SLC4A4: variants seen among roughly 807,000 people sequenced by gnomAD.
SLC4A4 encodes solute carrier family 4 member 4, also known as electrogenic sodium bicarbonate cotransporter 1.
Under a neutral mutation model 111.5 loss-of-function variants are expected in SLC4A4, and 27 were observed. The observed-to-expected ratio is 0.24, with a 90% CI of 0.18 to 0.33. The LOEUF (loss-of-function observed/expected upper bound fraction) is 0.33, where lower values mean the gene tolerates loss of function less well. Among genes scored for constraint, SLC4A4 ranks in the 10% least tolerant of loss-of-function variants. The probability of loss-of-function intolerance (pLI) is 1.00; values close to 1 mark genes in which losing one functional copy is unlikely to be tolerated. For missense variants in SLC4A4, 909 were observed against 1,315.5 expected, an observed-to-expected ratio of 0.69 and a Z score of 4.78; for synonymous variants, 443 against 463.4, an observed-to-expected ratio of 0.96 and a Z score of 0.57.
intron 1 of SLC4A4, among the ~76,000 whole-genome samples, chr4:71,223,390 C>T (rs56004318): frequency 2.0e-5 from 3 of 151,792 alleles, no homozygotes; most frequent in African/African-American, 7.3e-5. Context: ...GTCTCAATTT[C>T]CTGACCTCGT....
chr4:71,553,131 C>T (rs760030667), intron 20 of SLC4A4, among the ~76,000 whole-genome samples: 7 of 151,828 alleles, frequency 4.6e-5, no homozygotes, highest in Non-Finnish European at 1.0e-4. Flanking sequence ...ATATTTTTAT[C>T]ACATTGAAGT....
chr4:71,486,976 A>T lies in SLC4A4; in HGVS notation c.1932A>T (p.Thr644=), dbSNP rs778218856. 3.7e-6 allele frequency: 6 copies of T among 1,602,988 alleles called. No individual in the cohort carries two copies. In the South Asian group the frequency reaches 6.6e-5, roughly 18 times the overall value. ...ATATCTCAATATCTAATGACACCAC[A>T]CTGGCCCCAGAGTATTTGCCAACTA... The part of the protein sequence containing the change: ...PANISISNDT[T]LAPEYLPTMS... Residue 644 remains threonine, a synonymous_variant, in exon 15 of 26, where the codon ACA becomes ACT. Transcript: ENST00000264485.
At chr4:71,292,566 G>A (rs984657241) in intron 3 of SLC4A4, among the ~76,000 whole-genome samples, 7 of 152,066 alleles carry the variant, frequency 4.6e-5, no homozygotes, top group Non-Finnish European at 1.0e-4. Context: ...TTAGACAGAC[G>A]AACATGAAAC....
At chr4:71,236,457 C>A in intron 1 of SLC4A4, 119 bp from the exon 2 acceptor site, 1 of 910,092 alleles carries the variant, frequency 1.1e-6, no homozygotes, top group Non-Finnish European at 1.7e-6. Flanking sequence ...AGAAGAGTGA[C>A]TCTGCCCTGC....
At chr4:71,258,162 T>C (rs1721592863) in intron 3 of SLC4A4, among the ~76,000 whole-genome samples, 1 of 152,210 alleles carries the variant, frequency 6.6e-6, no homozygotes, top group Non-Finnish European at 1.5e-5. Flanking sequence ...TGCCATTCTC[T>C]CCTTGCTCAC....
chr4:71,183,254 A>G (rs1745357552), upstream of SLC4A4, among the ~76,000 whole-genome samples: 1 of 152,160 alleles, frequency 6.6e-6, no homozygotes, highest in Non-Finnish European at 1.5e-5. Context: ...AGTTGACTTT[A>G]GGCATGTGTT....
intron 3 of SLC4A4, among the ~76,000 whole-genome samples, chr4:71,283,651 A>G (rs1723699774): frequency 6.6e-6 from 1 of 152,230 alleles, no homozygotes; most frequent in African/African-American, 2.4e-5. Flanking sequence ...TAATTGCACT[A>G]GATCATCAGA....
intron 3 of SLC4A4, among the ~76,000 whole-genome samples, chr4:71,297,891 A>G (rs1217238646): frequency 2.0e-5 from 3 of 152,148 alleles, no homozygotes; most frequent in African/African-American, 7.2e-5. Context: ...CCCAGCCAGC[A>G]TTGGTAAATC....
At chr4:71,134,387 G>A (rs11724346) in intron 2 of SLC4A4, among the ~76,000 whole-genome samples, 26,563 of 152,174 alleles carry the variant, frequency 0.17, 2,438 homozygotes, top group South Asian at 0.3. Context: ...AGCCTATACT[G>A]TGGCCTTGGC....
At chr4:71,345,551 T>G (rs376222070) in intron 4 of SLC4A4, among the ~76,000 whole-genome samples, 2 of 152,238 alleles carry the variant, frequency 1.3e-5, no homozygotes, top group East Asian at 3.9e-4. Flanking sequence ...AAAGGGGTAT[T>G]GATGTTTTAC....
intron 3 of SLC4A4, among the ~76,000 whole-genome samples, chr4:71,333,571 T>C (rs1728190174): frequency 6.6e-6 from 1 of 152,202 alleles, no homozygotes; most frequent in Non-Finnish European, 1.5e-5. Context: ...CCAAGGGCTC[T>C]TCAGTCACCA....
At chr4:71,457,259 A>G (rs892680863) in intron 12 of SLC4A4, among the ~76,000 whole-genome samples, 3 of 152,180 alleles carry the variant, frequency 2.0e-5, no homozygotes, top group African/African-American at 7.2e-5. Flanking sequence ...ATTATGTTCA[A>G]AATAGAACAG....
chr4:71,565,562 G>A (rs1181781778), intron 24 of SLC4A4, among the ~76,000 whole-genome samples: 1 of 31,274 alleles, frequency 3.2e-5, no homozygotes, highest in Non-Finnish European at 2.3e-4. Flanking sequence ...TGGTTAAAAA[G>A]GGGAAATTTT....
intron 1 of SLC4A4, among the ~76,000 whole-genome samples, chr4:71,222,481 GA>G (rs1718804825): frequency 6.6e-6 from 1 of 152,124 alleles, no homozygotes; most frequent in African/African-American, 2.4e-5. Context: ...ATTATGCAAC[GA>G]TTTTTAAATT....
chr4:71,424,359 G>A (rs1722881273), intron 7 of SLC4A4, among the ~76,000 whole-genome samples: 2 of 151,954 alleles, frequency 1.3e-5, no homozygotes, highest in South Asian at 2.1e-4. Flanking sequence ...TGGAGAGGAT[G>A]TGGAGAAATA....
At chr4:71,151,689 C>T (rs917997092) in intron 2 of SLC4A4, among the ~76,000 whole-genome samples, 5 of 149,596 alleles carry the variant, frequency 3.3e-5, no homozygotes, top group African/African-American at 7.4e-5. Flanking sequence ...AGGGCTGAGG[C>T]GGGAGGATCA....
chr4:71,075,502 A>G (rs1741785259), intron 1 of SLC4A4, among the ~76,000 whole-genome samples: 1 of 152,094 alleles, frequency 6.6e-6, no homozygotes, highest in Non-Finnish European at 1.5e-5. Context: ...CTCACTTCAC[A>G]TCAGCCACAC....
At chr4:71,343,301 A>G (rs1055861200) in intron 4 of SLC4A4, among the ~76,000 whole-genome samples, 2 of 152,194 alleles carry the variant, frequency 1.3e-5, no homozygotes, top group African/African-American at 4.8e-5. Flanking sequence ...GACCCAAGGT[A>G]CCCAGAATGC....
chr4:71,097,538 C>A (rs1408082467), intron 2 of SLC4A4, among the ~76,000 whole-genome samples: 1 of 151,960 alleles, frequency 6.6e-6, no homozygotes, highest in Non-Finnish European at 1.5e-5. Flanking sequence ...GGGTATATAC[C>A]CATTGATGAG....
Sources: gnomAD v4.1 joint callset for allele counts (sites outside exome capture counted in the v4.1 genomes callset) on GRCh38, gnomAD v4.1.1 for gene constraint, MANE v1.5 for transcripts, NCBI Gene and HGNC (gene_info 2026-07-23, HGNC 2026-07-21) for gene names.